The following NCOA1 variants were observed in gnomAD, a reference collection of about 807,000 sequenced individuals.
The protein encoded by NCOA1 is Hin-2 protein.
A neutral mutation model predicts 150.9 loss-of-function variants in NCOA1; 35 were observed. The observed-to-expected ratio is 0.23, with a 90% CI of 0.18 to 0.31. The LOEUF is 0.31. Among genes scored for constraint, NCOA1 ranks in the 10% least tolerant of loss-of-function variants. The probability of loss-of-function intolerance (pLI) is 1.00; values close to 1 mark genes in which losing one functional copy is unlikely to be tolerated. For synonymous variants in NCOA1, 590 were observed against 630.0 expected (o/e 0.94, Z 0.95); for missense variants, 1,491 against 1,749.3 (o/e 0.85, Z 2.63).
intron 17 of NCOA1, among the ~76,000 whole-genome samples, chr2:24,733,388 A>C (rs997150053): frequency 2.6e-5 from 4 of 152,234 alleles, no homozygotes; most frequent in Admixed American, 1.3e-4. Context: ...AAATACAAAA[A>C]AAGCAAACAT....
chr2:24,499,954 G>A (rs1271126606), intron 1 of NCOA1, among the ~76,000 whole-genome samples: 2 of 152,116 alleles, frequency 1.3e-5, no homozygotes, highest in East Asian at 3.9e-4. Flanking sequence ...GTGTAATTGG[G>A]GTACCTTTAA....
intron 2 of NCOA1, among the ~76,000 whole-genome samples, chr2:24,571,345 A>C (rs77012907): frequency 1.3e-5 from 2 of 152,142 alleles, no homozygotes; most frequent in African/African-American, 2.4e-5. Flanking sequence ...TATTTCTGAT[A>C]ATTTCTTGAG....
chr2:24,590,265 T>C (rs1034173056), intron 3 of NCOA1, among the ~76,000 whole-genome samples: 1 of 152,200 alleles, frequency 6.6e-6, no homozygotes, highest in African/African-American at 2.4e-5. Context: ...GAGAAAAGCA[T>C]GTCAGTATCT....
At position 24,707,156 on chromosome 2, in the gene NCOA1, G is replaced by A; in HGVS notation, c.1686G>A (p.Arg562=). Reference sequence around the variant, plus strand: ...TCTCTGCCAGTTCTCCAGTCCTCAGGCAGATGAGCTCACAGAATTCACCTA... The same window carrying A: ...TCTCTGCCAGTTCTCCAGTCCTCAGACAGATGAGCTCACAGAATTCACCTA... ...VGFSASSPVL[R]QMSSQNSPSR... The change falls in exon 13 of 23, where the codon AGG becomes AGA. Residue 562 remains arginine, a synonymous_variant. Transcript: ENST00000348332. 6.2e-7 allele frequency: 1 copy of A among 1,614,170 alleles called. No individual in the cohort carries two copies. The highest frequency in any genetic ancestry group is 8.5e-7 in the Non-Finnish European group (1 of 1,180,028).
intron 3 of NCOA1, among the ~76,000 whole-genome samples, chr2:24,631,322 A>T (rs1214082760): frequency 1.3e-5 from 2 of 152,166 alleles, no homozygotes; most frequent in African/African-American, 2.4e-5. Flanking sequence ...GACTAGCTTT[A>T]TTCTTTTCTC....
At chr2:24,602,798 T>C (rs1344700301) in intron 3 of NCOA1, among the ~76,000 whole-genome samples, 2 of 152,340 alleles carry the variant, frequency 1.3e-5, no homozygotes, top group East Asian at 3.9e-4. Flanking sequence ...AGCAGTGTCA[T>C]GTACATCAGC....
rs184850633 is a variant in NCOA1 at position 24,702,433 on chromosome 2, T to C, written c.950-2653T>C. On this transcript the variant is annotated intron_variant, in intron 11 of 22. Coordinates refer to ENST00000348332, the MANE Select transcript of NCOA1 (RefSeq NM_003743.5). ...CCTGCCACACATTTTTTCACCTGCC[T>C]ATTTTGTTAATATCAGTCAGGCATG... Among the ~76,000 whole-genome samples, 340 of 152,310 alleles carry C rather than the reference T, an allele frequency of 2.2e-3. 5 individuals carry two copies. Among genetic ancestry groups the C allele is most frequent in the Non-Finnish European group, 1.8e-3 (123 of 68,022 alleles).
intron 3 of NCOA1, among the ~76,000 whole-genome samples, chr2:24,643,106 A>C (rs1670305357): frequency 6.6e-6 from 1 of 152,236 alleles, no homozygotes; most frequent in South Asian, 2.1e-4. Flanking sequence ...CATACAAAAA[A>C]TGAGTGCATG....
At chr2:24,594,693 TATG>T (rs747709161) in intron 3 of NCOA1, among the ~76,000 whole-genome samples, 11 of 152,144 alleles carry the variant, frequency 7.2e-5, no homozygotes, top group Non-Finnish European at 1.5e-4. Context: ...TTTCCTTCTC[TATG>T]ATAAGTCAGC....
Position 24,706,929 on chromosome 2 carries a change from A to G in NCOA1, c.1459A>G (p.Met487Val), listed in dbSNP as rs142232969. Residue 487 changes from methionine (M) to valine (V), a missense_variant, in exon 13 of 23, where the codon ATG becomes GTG. Coordinates refer to ENST00000348332, the MANE Select transcript of NCOA1 (RefSeq NM_003743.5). ...EGTGISLAQFMSPRRQVTSGL... is the reference protein window; with the variant it reads ...EGTGISLAQFVSPRRQVTSGL... ...TACAGGAATATCCCTAGCACAGTTC[A>G]TGTCTCCAAGGAGACAGGTTACTTC... The G allele has an allele frequency of 2.5e-6, 4 of 1,614,058 alleles. No individual in the cohort carries two copies. Among genetic ancestry groups the G allele is most frequent in the African/African-American group, 1.3e-5 (1 of 74,916 alleles).
At chr2:24,513,393 A>G (rs1298195079) in intron 1 of NCOA1, among the ~76,000 whole-genome samples, 1 of 151,990 alleles carries the variant, frequency 6.6e-6, no homozygotes, top group Non-Finnish European at 1.5e-5. Context: ...CTCTTGCAGT[A>G]CCCTTTTTTT....
At position 24,741,725 on chromosome 2, in the gene NCOA1, T is replaced by G. The variant is rs1663609476; in HGVS notation, c.3304-59T>G. The stretch of plus-strand genomic sequence containing the variant: ...CAAGTAGGCCTTAATCCAATGAACT[T>G]TCCAGGATAGATAGTGATTATAATA... On this transcript the variant is annotated intron_variant, in intron 18 of 22. Transcript: ENST00000348332. 2.6e-6 allele frequency: 4 copies of G among 1,521,162 alleles called. No individual in the cohort carries two copies. The Admixed American group carries it at 6.2e-5, about 24-fold the overall frequency. 94.2% of individuals were successfully genotyped at this position (1,521,162 alleles called of 1,614,324 possible).
chr2:24,611,698 T>C (rs1668637440), intron 3 of NCOA1, among the ~76,000 whole-genome samples: 1 of 152,204 alleles, frequency 6.6e-6, no homozygotes, highest in South Asian at 2.1e-4. Flanking sequence ...TTTTTTACTG[T>C]TATTTTAAAG....
chr2:24,534,715 T>C (rs1308738265), intron 1 of NCOA1, among the ~76,000 whole-genome samples: 1 of 152,242 alleles, frequency 6.6e-6, no homozygotes, highest in Non-Finnish European at 1.5e-5. Context: ...TACCCAGTAG[T>C]CATTCAGGAG....
At chr2:24,693,143 C>T (rs895523805) in intron 9 of NCOA1, 109 bp from the exon 10 acceptor site, 8 of 1,042,772 alleles carry the variant, frequency 7.7e-6, no homozygotes, top group Non-Finnish European at 1.0e-5. Context: ...CGTGAGCCAC[C>T]ACGTCTGGCC....
At chr2:24,626,505 G>A (rs1302012364) in intron 3 of NCOA1, among the ~76,000 whole-genome samples, 1 of 152,208 alleles carries the variant, frequency 6.6e-6, no homozygotes, top group African/African-American at 2.4e-5. Flanking sequence ...AAGGCAAGCT[G>A]ACTGAAGCAG....
chr2:24,521,464 A>C (rs764755212), intron 1 of NCOA1, among the ~76,000 whole-genome samples: 1 of 152,138 alleles, frequency 6.6e-6, no homozygotes, highest in Non-Finnish European at 1.5e-5. Context: ...TTAAGATTCT[A>C]AGTATTTAGT....
chr2:24,566,043 G>C (rs1473096372), intron 2 of NCOA1, among the ~76,000 whole-genome samples: 1 of 152,166 alleles, frequency 6.6e-6, no homozygotes, highest in African/African-American at 2.4e-5. Flanking sequence ...GGCAAGCAAG[G>C]AGCATGTTTC....
chr2:24,748,455 C>CAA (rs1472006043), intron 19 of NCOA1, among the ~76,000 whole-genome samples: 1 of 151,698 alleles, frequency 6.6e-6, no homozygotes, highest in Non-Finnish European at 1.5e-5. Context: ...ACTAAAAATA[C>CAA]AAAAATTAGT....
Sources: allele counts gnomAD v4.1 joint callset (sites outside exome capture counted in the v4.1 genomes callset), GRCh38; gene constraint gnomAD v4.1.1; transcripts MANE v1.5; gene names NCBI Gene and HGNC (gene_info 2026-07-23, HGNC 2026-07-21).